Variants in ERLEC1 observed in about 807,000 individuals in gnomAD.
ERLEC1 encodes the protein endoplasmic reticulum lectin 1.
A neutral mutation model predicts 68.0 loss-of-function variants in ERLEC1; 47 were observed. That is an observed-to-expected ratio of 0.69 (90% confidence interval 0.55 to 0.88). ERLEC1 has a LOEUF of 0.88. Among genes scored for constraint, ERLEC1 ranks in the 40% least tolerant of loss-of-function variants. The pLI, the probability that ERLEC1 is intolerant of heterozygous loss-of-function variation, is 0.00. For synonymous variants in ERLEC1, 225 were observed against 203.2 expected (o/e 1.11, Z -0.91); for missense variants, 567 against 583.8 (o/e 0.97, Z 0.30).
intron 5 of ERLEC1, among the ~76,000 whole-genome samples, chr2:53,798,497 C>T (rs368180403): frequency 1.3e-5 from 2 of 151,786 alleles, no homozygotes; most frequent in South Asian, 2.1e-4. Context: ...CTGGCTCAGG[C>T]GATCCCCCTA....
intron 4 of ERLEC1, 35 bp from the exon 5 acceptor site, chr2:53,797,697 T>C (rs1289297841): frequency 6.3e-7 from 1 of 1,582,836 alleles, no homozygotes; most frequent in Non-Finnish European, 8.6e-7. Flanking sequence ...CTTTGCAAAA[T>C]ACTTAGTATA....
intron 1 of ERLEC1, among the ~76,000 whole-genome samples, chr2:53,793,582 A>G (rs1675527330): frequency 6.6e-6 from 1 of 151,938 alleles, no homozygotes; most frequent in Non-Finnish European, 1.5e-5. Context: ...ATCTATGAAC[A>G]TTCATTGCCA....
intron 11 of ERLEC1, 106 bp downstream of exon 11, chr2:53,813,179 G>T: frequency 4.4e-6 from 6 of 1,364,792 alleles, no homozygotes; most frequent in South Asian, 1.3e-5. Flanking sequence ...TCCCTGTTTA[G>T]TTTTTTTCAA....
chr2:53,791,116 A>T (rs1462530866), intron 1 of ERLEC1, among the ~76,000 whole-genome samples: 3 of 152,244 alleles, frequency 2.0e-5, no homozygotes, highest in Non-Finnish European at 4.4e-5. Flanking sequence ...CCTCTACCAG[A>T]ATAGAAGTTC....
chr2:53,789,967 C>G (rs1030867476), intron 1 of ERLEC1, among the ~76,000 whole-genome samples: 1 of 148,102 alleles, frequency 6.8e-6, no homozygotes, highest in Non-Finnish European at 1.5e-5. Context: ...TGCAGTGATC[C>G]GAGATCATGC....
rs1438940577 is a variant in ERLEC1, at chr2:53,787,130, C to T, written c.-81C>T. ...GGGCGCTTTATAGTCCCGCCGCCTC[C>T]TCCTCCACCTCCTCCTCCTCCTCCT... On this transcript the variant is annotated 5_prime_UTR_variant, in exon 1 of 14. Transcript: ENST00000185150. The T allele has an allele frequency of 7.5e-6, 10 of 1,332,334 alleles. No homozygotes were observed. The Admixed American group carries it at 1.8e-4, about 24-fold the overall frequency. 82.5% of individuals were successfully genotyped at this position (1,332,334 alleles called of 1,614,324 possible). A position where few individuals can be genotyped will look rare whatever the true frequency, so the allele number is the denominator to read the frequency against.
chr2:53,814,825 A>G, intron 12 of ERLEC1, 35 bp from the exon 13 acceptor site: 1 of 1,493,492 alleles, frequency 6.7e-7, no homozygotes, highest in African/African-American at 1.4e-5. Flanking sequence ...ACTTTAAATG[A>G]TTTGGACAGT....
intron 5 of ERLEC1, 131 bp downstream of exon 5, chr2:53,797,926 G>T: frequency 1.2e-6 from 1 of 807,114 alleles, no homozygotes; most frequent in South Asian, 1.5e-5. Context: ...GCTGGGCGCG[G>T]TGGCTGACGC....
chr2:53,818,377 T>C lies in ERLEC1; in HGVS notation c.*408T>C, dbSNP rs1237104666. On this transcript the variant is annotated 3_prime_UTR_variant, in exon 14 of 14. Coordinates refer to ENST00000185150, the MANE Select transcript of ERLEC1 (RefSeq NM_015701.5). The stretch of plus-strand genomic sequence containing the variant: ...GAAGTAAAGATCATGAAGAAAGAAA[T>C]TGATAGGTGTAAATGAGAGACCATG... 6.4e-6 allele frequency: 1 copy of C among 155,252 alleles called. No individual in the cohort carries two copies. Among genetic ancestry groups the C allele is most frequent in the Non-Finnish European group, 1.4e-5 (1 of 69,860 alleles). The allele number at this position is 155,252 out of a possible 1,614,324, so 9.6% of individuals were successfully genotyped here. A position where few individuals can be genotyped will look rare whatever the true frequency, so the allele number is the denominator to read the frequency against.
intron 12 of ERLEC1, 50 bp downstream of exon 12, chr2:53,814,670 T>G: frequency 7.4e-7 from 1 of 1,349,992 alleles, no homozygotes; most frequent in East Asian, 2.3e-5. Context: ...TTTAACTGCT[T>G]CCTATGGACA....
In ERLEC1 at chr2:53,797,579, A is replaced by G. The variant is rs775646073; in HGVS notation, c.413A>G (p.Lys138Arg). Residue 138 changes from lysine to arginine, a missense_variant, in exon 4 of 14, where the codon AAA (lysine) becomes AGA (arginine). By Grantham distance (26) the Lys-to-Arg change is conservative. Transcript: ENST00000185150. ...GKHIRQYHEE[K>R]ETGQKINIHE... ...CACATTCGGCAGTACCATGAAGAGA[A>G]AGAAACTGGTCAGGTGTGTTTTTCT... 3 of 1,612,354 alleles carry G rather than the reference A, an allele frequency of 1.9e-6. No individual in the cohort carries two copies. Among genetic ancestry groups the G allele is most frequent in the Non-Finnish European group, 2.5e-6 (3 of 1,179,450 alleles).
At position 53,797,580 on chromosome 2, in the gene ERLEC1, A is replaced by G. The variant is rs763500071; in HGVS notation, c.414A>G (p.Lys138=). 5.6e-6 allele frequency: 9 copies of G among 1,612,290 alleles called. No homozygotes were observed. Among genetic ancestry groups the G allele is most frequent in the Non-Finnish European group, 7.6e-6 (9 of 1,179,462 alleles). Residue 138 remains lysine, a synonymous_variant, in exon 4 of 14, where the codon AAA becomes AAG. Transcript: ENST00000185150. Reference sequence around the variant, plus strand: ...ACATTCGGCAGTACCATGAAGAGAAAGAAACTGGTCAGGTGTGTTTTTCTT... The same window carrying G: ...ACATTCGGCAGTACCATGAAGAGAAGGAAACTGGTCAGGTGTGTTTTTCTT... The part of the protein sequence containing the change: ...GKHIRQYHEE[K]ETGQKINIHE...
In ERLEC1 at chr2:53,787,197, A is replaced by G; in HGVS notation, c.-14A>G. The G allele has an allele frequency of 6.3e-7, 1 of 1,590,970 alleles. No individual in the cohort carries two copies. Among genetic ancestry groups the G allele is most frequent in the Non-Finnish European group, 8.5e-7 (1 of 1,171,676 alleles). ...GGAGGTTGTGGCGGTGGCTGGAGAA[A>G]GCGGCGGCGGAGGATGGAGGAAGGA... On this transcript the variant is annotated 5_prime_UTR_variant, in exon 1 of 14. Coordinates refer to ENST00000185150, the MANE Select transcript of ERLEC1 (RefSeq NM_015701.5).
At chr2:53,809,162 T>C (rs369461464) in intron 9 of ERLEC1, 52 bp from the exon 10 acceptor site, 9 of 1,313,220 alleles carry the variant, frequency 6.9e-6, no homozygotes, top group Non-Finnish European at 9.6e-6. Context: ...TGTGGCATTA[T>C]TGAGAAAGGC....
At chr2:53,814,653 T>A in intron 12 of ERLEC1, 33 bp downstream of exon 12, 1 of 1,520,156 alleles carries the variant, frequency 6.6e-7, no homozygotes, top group African/African-American at 1.4e-5. Context: ...GCTGTATGCC[T>A]TTGTCTTTTA....
At chr2:53,790,242 C>T (rs748039623) in intron 1 of ERLEC1, among the ~76,000 whole-genome samples, 3 of 135,708 alleles carry the variant, frequency 2.2e-5, no homozygotes, top group Non-Finnish European at 4.7e-5. Flanking sequence ...TGTAAGCGTG[C>T]GCTACCACAC....
At chr2:53,811,396 A>G (rs1366285097) in intron 10 of ERLEC1, among the ~76,000 whole-genome samples, 2 of 152,246 alleles carry the variant, frequency 1.3e-5, no homozygotes, top group Non-Finnish European at 2.9e-5. Context: ...ATTGCCTTCC[A>G]GAGTTAGACC....
chr2:53,816,236 G>A (rs1253301622), intron 13 of ERLEC1, among the ~76,000 whole-genome samples: 1 of 149,924 alleles, frequency 6.7e-6, no homozygotes, highest in African/African-American at 2.5e-5. Context: ...ATGCACCACC[G>A]TGCCTGGCTG....
intron 1 of ERLEC1, among the ~76,000 whole-genome samples, chr2:53,792,233 T>A (rs1480245961): frequency 6.8e-6 from 1 of 146,322 alleles, no homozygotes; most frequent in African/African-American, 2.5e-5. Context: ...TTTTTTTTTT[T>A]AATAAGTTGC....
Sources: allele counts gnomAD v4.1 joint callset (sites outside exome capture counted in the v4.1 genomes callset), GRCh38; gene constraint gnomAD v4.1.1; transcripts MANE v1.5; gene names NCBI Gene and HGNC (gene_info 2026-07-23, HGNC 2026-07-21).